The following CACNA1B variants were observed in gnomAD, a reference collection of about 807,000 sequenced individuals.
The protein encoded by CACNA1B is voltage-dependent N-type calcium channel subunit alpha-1B.
A neutral mutation model predicts 247.2 loss-of-function variants in CACNA1B; 70 were observed. The ratio of observed to expected loss-of-function variants is 0.28; its 90% CI spans 0.23 to 0.35. CACNA1B has a LOEUF of 0.35. Ranked by LOEUF, CACNA1B falls within the 10% of genes least tolerant of loss-of-function variation. The probability of loss-of-function intolerance (pLI) is 1.00; values close to 1 mark genes in which losing one functional copy is unlikely to be tolerated. For synonymous variants in CACNA1B, 1,231 were observed against 1,294.4 expected, an observed-to-expected ratio of 0.95 and a Z score of 1.05; for missense variants, 2,367 against 3,197.4, an observed-to-expected ratio of 0.74 and a Z score of 6.26.
At chr9:138,093,573 T>C (rs1960953327) in intron 36 of CACNA1B, among the ~76,000 whole-genome samples, 1 of 151,774 alleles carries the variant, frequency 6.6e-6, no homozygotes, top group Non-Finnish European at 1.5e-5. Context: ...AAATTCTGGC[T>C]CTACTAAAAA....
At chr9:137,949,119 C>T (rs1226068228) in intron 6 of CACNA1B, among the ~76,000 whole-genome samples, 1 of 974 alleles carries the variant, frequency 1.0e-3, no homozygotes, top group Non-Finnish European at 2.3e-3. Context: ...GGCTGTGTGT[C>T]CAGTGTGTGT....
At chr9:138,119,703 T>TC (rs1474201400) in intron 44 of CACNA1B, among the ~76,000 whole-genome samples, 2 of 152,148 alleles carry the variant, frequency 1.3e-5, no homozygotes, top group Non-Finnish European at 2.9e-5. Context: ...AGGCTGAGCC[T>TC]CCCTGCAGCC....
chr9:137,981,311 CAT>C (rs1305374418), intron 12 of CACNA1B, among the ~76,000 whole-genome samples: 3 of 152,118 alleles, frequency 2.0e-5, no homozygotes, highest in South Asian at 2.1e-4. Flanking sequence ...AGAGGCTAAA[CAT>C]ATTCAAAACC....
chr9:138,037,387 A>G (rs1445073130), intron 20 of CACNA1B, among the ~76,000 whole-genome samples: 1 of 152,218 alleles, frequency 6.6e-6, no homozygotes, highest in Non-Finnish European at 1.5e-5. Flanking sequence ...GGCCGGGCTC[A>G]GTGGCTCACA....
intron 31 of CACNA1B, chr9:138,068,463 A>T: frequency 3.0e-6 from 1 of 331,260 alleles, no homozygotes; most frequent in Non-Finnish European, 6.1e-6. Flanking sequence ...AAAAATCAGA[A>T]AAGTTGAGTC....
At chr9:137,936,965 T>C (rs1351961468) in intron 6 of CACNA1B, among the ~76,000 whole-genome samples, 5 of 152,238 alleles carry the variant, frequency 3.3e-5, no homozygotes, top group East Asian at 3.9e-4. Flanking sequence ...CAATGTGGGC[T>C]CTTTTTTTGG....
chr9:137,900,203 T>C (rs1015138428), intron 3 of CACNA1B, among the ~76,000 whole-genome samples: 2 of 151,276 alleles, frequency 1.3e-5, no homozygotes, highest in African/African-American at 2.4e-5. Flanking sequence ...ACGCGGAGGG[T>C]GTGTGAGGTG....
rs143873590 is a variant in CACNA1B, at chr9:138,078,868, C to T, written c.5094+610C>T. On this transcript the variant is annotated intron_variant, in intron 36 of 46. Coordinates refer to ENST00000371372, the MANE Select transcript of CACNA1B (RefSeq NM_000718.4). ...CGATTGATGATGAGAGATGGGCATG[C>T]GAAGAGGAAAAAGCAGGCTGCATCC... Among the ~76,000 whole-genome samples, 5 of 152,174 alleles carry T rather than the reference C, an allele frequency of 3.3e-5. No individual in the cohort carries two copies. The East Asian group carries it at 7.7e-4, about 24-fold the overall frequency.
intron 35 of CACNA1B, among the ~76,000 whole-genome samples, chr9:138,076,322 G>A (rs1960317446): frequency 6.6e-6 from 1 of 152,282 alleles, no homozygotes; most frequent in East Asian, 1.9e-4. Flanking sequence ...GTTGATTACA[G>A]GGATTGGTGG....
At chr9:137,885,215 G>T (rs1175309033) in intron 3 of CACNA1B, among the ~76,000 whole-genome samples, 16 of 151,696 alleles carry the variant, frequency 1.1e-4, no homozygotes, top group Non-Finnish European at 1.5e-4. Flanking sequence ...ACCCCGGGTT[G>T]GAGGTGATCT....
chr9:137,937,947 CAAAAAAAAAAAAAAAAAAAAAA>C (rs57680122), intron 6 of CACNA1B, among the ~76,000 whole-genome samples: 1 of 21,924 alleles, frequency 4.6e-5, no homozygotes, highest in Admixed American at 8.3e-4. Flanking sequence ...AACTCTGTCT[CAAAAAAAAAAAAAAAAAAAAAA>C]AAAAAAAAAG....
intron 6 of CACNA1B, among the ~76,000 whole-genome samples, chr9:137,921,668 T>A: frequency 7.0e-6 from 1 of 142,632 alleles, no homozygotes; most frequent in South Asian, 2.2e-4. Context: ...CACAGCATCC[T>A]GGGAGCAGAG....
At chr9:138,048,559 A>G (rs1959203633) in intron 23 of CACNA1B, among the ~76,000 whole-genome samples, 1 of 152,180 alleles carries the variant, frequency 6.6e-6, no homozygotes, top group Non-Finnish European at 1.5e-5. Flanking sequence ...CTACTCTGAC[A>G]GGGCATGTAA....
At position 138,105,683 on chromosome 9, in the gene CACNA1B, C is replaced by T; in HGVS notation, c.5320-16C>T. On this transcript the variant is annotated splice_polypyrimidine_tract_variant and intron_variant, in intron 38 of 46. Coordinates refer to ENST00000371372, the MANE Select transcript of CACNA1B (RefSeq NM_000718.4). ...CCCCAGCAGGCCTGGCCCTGACCGG[C>T]CCTGCTTGTCCCTAGCGCCTGGTTC... 6.9e-7 allele frequency: 1 copy of T among 1,456,548 alleles called. No homozygotes were observed. The allele number at this position is 1,456,548 out of a possible 1,614,324, so 90.2% of individuals were successfully genotyped here. A position where few individuals can be genotyped will look rare whatever the true frequency, so the allele number is the denominator to read the frequency against.
At chr9:138,070,027 G>A (rs1960066263) in intron 32 of CACNA1B, among the ~76,000 whole-genome samples, 1 of 152,234 alleles carries the variant, frequency 6.6e-6, no homozygotes, top group African/African-American at 2.4e-5. Context: ...CAAGGAGAGG[G>A]AGGTGGGGTT....
chr9:137,893,494 C>G (rs1327212213), intron 3 of CACNA1B, among the ~76,000 whole-genome samples: 6 of 151,256 alleles, frequency 4.0e-5, no homozygotes, highest in African/African-American at 1.2e-4. Flanking sequence ...ACTAAAAATA[C>G]AAAAGAATGA....
At chr9:137,895,206 G>A (rs1042104552) in intron 3 of CACNA1B, among the ~76,000 whole-genome samples, 7 of 152,154 alleles carry the variant, frequency 4.6e-5, no homozygotes, top group Non-Finnish European at 1.0e-4. Flanking sequence ...ATTGATCTGT[G>A]TGTGTCCCTC....
At chr9:137,948,853 T>C (rs2133331144) in intron 6 of CACNA1B, among the ~76,000 whole-genome samples, 1 of 141,000 alleles carries the variant, frequency 7.1e-6, no homozygotes, top group East Asian at 2.2e-4. Flanking sequence ...TGTGTGTATG[T>C]GGTGTATTTG....
At position 137,984,540 on chromosome 9, in the gene CACNA1B, C is replaced by T. The variant is rs114524494; in HGVS notation, c.1769+290C>T. ...TGTCTTGAAACCACCACCCCATCTTCCCAGCCTTCAAAGGTGACTTTGCTT... is the reference window on the plus strand; with the variant it reads ...TGTCTTGAAACCACCACCCCATCTTTCCAGCCTTCAAAGGTGACTTTGCTT... On this transcript the variant is annotated intron_variant, in intron 13 of 46. Transcript: ENST00000371372. Among the ~76,000 whole-genome samples the T allele has an allele frequency of 4.9e-3, 751 of 152,356 alleles. 6 individuals carry two copies. The highest frequency in any genetic ancestry group is 0.017 in the African/African-American group (726 of 41,572).
Sources: gnomAD v4.1 joint callset for allele counts (sites outside exome capture counted in the v4.1 genomes callset) on GRCh38, gnomAD v4.1.1 for gene constraint, MANE v1.5 for transcripts, NCBI Gene and HGNC (gene_info 2026-07-23, HGNC 2026-07-21) for gene names.